Variants in ITPR2 observed in about 807,000 individuals in gnomAD.
The protein encoded by ITPR2 is inositol 1,4,5-trisphosphate receptor type 2.
A neutral mutation model predicts 317.1 loss-of-function variants in ITPR2; 207 were observed. That is an observed-to-expected ratio of 0.65 (90% CI 0.58 to 0.73). The LOEUF (loss-of-function observed/expected upper bound fraction) is 0.73. Ranked by LOEUF, ITPR2 falls within the 30% of genes least tolerant of loss-of-function variation. The probability of loss-of-function intolerance (pLI) is 0.00; values close to 1 mark genes in which losing one functional copy is unlikely to be tolerated. For synonymous variants in ITPR2, 1,156 were observed against 1,149.1 expected (o/e 1.01, Z -0.12); for missense variants, 2,613 against 3,284.0 (o/e 0.80, Z 4.99).
chr12:26,739,177 G>A (rs1177498052), intron 2 of ITPR2, among the ~76,000 whole-genome samples: 1 of 152,208 alleles, frequency 6.6e-6, no homozygotes, highest in Non-Finnish European at 1.5e-5. Flanking sequence ...TGAGGATGTG[G>A]AGCAACTGGA....
intron 52 of ITPR2, among the ~76,000 whole-genome samples, chr12:26,404,823 C>T (rs1358999299): frequency 3.9e-5 from 6 of 152,172 alleles, no homozygotes; most frequent in African/African-American, 1.2e-4. Context: ...TAATGATAAA[C>T]ACAGGGGTAG....
At chr12:26,341,845 G>C (rs1297567910) in intron 55 of ITPR2, among the ~76,000 whole-genome samples, 1 of 152,190 alleles carries the variant, frequency 6.6e-6, no homozygotes, top group Non-Finnish European at 1.5e-5. Flanking sequence ...TCCCCTGGTT[G>C]CTTGTTAAAA....
chr12:26,449,575 CA>C (rs1163689247), intron 45 of ITPR2, among the ~76,000 whole-genome samples: 2 of 152,028 alleles, frequency 1.3e-5, no homozygotes, highest in African/African-American at 2.4e-5. Context: ...GGCAGAATTA[CA>C]AGGAATCACA....
At chr12:26,715,984 A>C (rs1948733431) in intron 6 of ITPR2, 149 bp from the exon 7 acceptor site, 2 of 727,014 alleles carry the variant, frequency 2.8e-6, no homozygotes, top group African/African-American at 3.5e-5. Context: ...GACCATCCAA[A>C]AATAGCAATA....
intron 37 of ITPR2, among the ~76,000 whole-genome samples, chr12:26,499,097 C>A (rs906601550): frequency 6.6e-6 from 1 of 152,072 alleles, no homozygotes; most frequent in Non-Finnish European, 1.5e-5. Context: ...AACTTTTTTA[C>A]CATTTACTTT....
Position 26,772,491 on chromosome 12 carries a change from C to CATGTATTATATATATTATAT in ITPR2, c.163+17665_163+17666insATATAATATATATAATACAT, listed in dbSNP as rs3064583. Among the ~76,000 whole-genome samples, 12 of 100,506 alleles carry CATGTATTATATATATTATAT rather than the reference C, an allele frequency of 1.2e-4. No homozygotes were observed. In the East Asian group the frequency reaches 1.7e-3, roughly 14 times the overall value. The allele number at this position is 100,506 out of a possible 152,430, so 65.9% of individuals were successfully genotyped here. A position where few individuals can be genotyped will look rare whatever the true frequency, so the allele number is the denominator to read the frequency against. ...TGTATTATATATAATATATATAATA[C>CATGTATTATATATATTATAT]ATATAATACATGTATTATATATAAT... On this transcript the variant is annotated intron_variant, in intron 2 of 56. Transcript: ENST00000381340.
At chr12:26,362,851 A>G (rs1331021341) in intron 55 of ITPR2, among the ~76,000 whole-genome samples, 1 of 152,218 alleles carries the variant, frequency 6.6e-6, no homozygotes, top group Non-Finnish European at 1.5e-5. Context: ...TAACTGGGGA[A>G]TAAAAGATGG....
In ITPR2 at chr12:26,499,591, A is replaced by C. The variant is rs182652637; in HGVS notation, c.5074-4331T>G. On this transcript the variant is annotated intron_variant, in intron 37 of 56. Transcript: ENST00000381340. ...CTTGGAACAGTTCCAAACACATAGT[A>C]AGTGCTATAAAAGTTGTACATTGTT... 2.0e-4 allele frequency among the ~76,000 whole-genome samples: 31 copies of C among 152,308 alleles called. No individual in the cohort carries two copies. The East Asian group carries it at 6.0e-3, about 29-fold the overall frequency.
chr12:26,792,619 C>G (rs1774030071), intron 1 of ITPR2, among the ~76,000 whole-genome samples: 1 of 151,988 alleles, frequency 6.6e-6, no homozygotes, highest in African/African-American at 2.4e-5. Flanking sequence ...TCCATGAAGT[C>G]AGAGATTGAA....
rs562376706 is a variant in ITPR2, at chr12:26,489,485, T to A, written c.5371-2234A>T. Among the ~76,000 whole-genome samples the A allele has an allele frequency of 1.1e-4, 16 of 152,352 alleles. 1 individual carries two copies. The highest frequency in any genetic ancestry group is 3.8e-4 in the African/African-American group (16 of 41,588). On this transcript the variant is annotated intron_variant, in intron 39 of 56. Coordinates refer to ENST00000381340, the MANE Select transcript of ITPR2 (RefSeq NM_002223.4). Reference sequence around the variant, plus strand: ...AGACTGCATCGGTTTGAAACCTATCTCTATCTCTAACTAGCGATGTAAGCT... The same window carrying A: ...AGACTGCATCGGTTTGAAACCTATCACTATCTCTAACTAGCGATGTAAGCT...
chr12:26,777,197 G>T (rs1949990818), intron 2 of ITPR2, among the ~76,000 whole-genome samples: 1 of 152,210 alleles, frequency 6.6e-6, no homozygotes, highest in African/African-American at 2.4e-5. Context: ...GGAAATGCCT[G>T]ATCTCCCTTG....
intron 49 of ITPR2, among the ~76,000 whole-genome samples, chr12:26,425,968 C>T (rs1340072056): frequency 1.3e-5 from 2 of 152,190 alleles, no homozygotes; most frequent in South Asian, 2.1e-4. Flanking sequence ...TTGGTTTCCC[C>T]CAGTAGACAT....
At chr12:26,832,570 G>T in intron 1 of ITPR2, 120 bp downstream of exon 1, 1 of 649,496 alleles carries the variant, frequency 1.5e-6, no homozygotes. Flanking sequence ...CGCGGGCGCC[G>T]ACCCTGCCCG....
chr12:26,363,768 GAA>G (rs897767491), intron 55 of ITPR2, among the ~76,000 whole-genome samples: 10 of 144,164 alleles, frequency 6.9e-5, no homozygotes, highest in Middle Eastern at 3.2e-3. Flanking sequence ...GAACTTAAAA[GAA>G]AAAAAAAAGA....
At chr12:26,647,922 A>T (rs61922683) in intron 21 of ITPR2, among the ~76,000 whole-genome samples, 5 of 152,188 alleles carry the variant, frequency 3.3e-5, no homozygotes, top group African/African-American at 4.8e-5. Flanking sequence ...GTACAAAGAT[A>T]AAAAGCTGCT....
At chr12:26,439,055 A>G in intron 47 of ITPR2, 72 bp downstream of exon 47, 2 of 890,296 alleles carry the variant, frequency 2.2e-6, no homozygotes, top group Non-Finnish European at 3.5e-6. Context: ...AATGAGCTGC[A>G]TCATGTGTCC....
chr12:26,556,936 A>T (rs1944679898), intron 35 of ITPR2, among the ~76,000 whole-genome samples: 1 of 152,080 alleles, frequency 6.6e-6, no homozygotes, highest in African/African-American at 2.4e-5. Flanking sequence ...AAAATCAGCC[A>T]GGCATGGTGG....
intron 9 of ITPR2, among the ~76,000 whole-genome samples, chr12:26,706,351 TCTC>T (rs1400543805): frequency 1.3e-5 from 2 of 152,122 alleles, no homozygotes; most frequent in Non-Finnish European, 2.9e-5. Context: ...TAAAACCCAT[TCTC>T]CTTGATATAT....
intron 48 of ITPR2, among the ~76,000 whole-genome samples, chr12:26,435,767 C>G (rs1257638992): frequency 6.6e-6 from 1 of 152,044 alleles, no homozygotes; most frequent in African/African-American, 2.4e-5. Flanking sequence ...TTAAGAATCC[C>G]TGACTTTAGT....
Sources: allele counts gnomAD v4.1 joint callset (sites outside exome capture counted in the v4.1 genomes callset), GRCh38; gene constraint gnomAD v4.1.1; transcripts MANE v1.5; gene names NCBI Gene and HGNC (gene_info 2026-07-23, HGNC 2026-07-21).